RGS7BP: variants seen among roughly 807,000 people sequenced by gnomAD.
RGS7BP encodes the protein regulator of G protein signaling 7 binding protein.
Under a neutral mutation model 31.3 loss-of-function variants are expected in RGS7BP, and 9 were observed. The ratio of observed to expected loss-of-function variants is 0.29; its 90% CI spans 0.17 to 0.50. The LOEUF (loss-of-function observed/expected upper bound fraction) is 0.50. Among genes scored for constraint, RGS7BP ranks in the 20% least tolerant of loss-of-function variants. The probability of loss-of-function intolerance (pLI) is 0.98; values close to 1 mark genes in which losing one functional copy is unlikely to be tolerated. For missense variants in RGS7BP, 274 were observed against 322.0 expected, an observed-to-expected ratio of 0.85 and a Z score of 1.14; for synonymous variants, 115 against 120.1, an observed-to-expected ratio of 0.96 and a Z score of 0.28.
chr5:64,606,874 T>C (rs1361996393), intron 5 of RGS7BP, among the ~76,000 whole-genome samples: 2 of 152,108 alleles, frequency 1.3e-5, no homozygotes, highest in Non-Finnish European at 2.9e-5. Context: ...ATCCAGATTA[T>C]AGTAAATTAT....
intron 3 of RGS7BP, among the ~76,000 whole-genome samples, chr5:64,592,170 C>A (rs1433572751): frequency 6.6e-6 from 1 of 152,034 alleles, no homozygotes; most frequent in African/African-American, 2.4e-5. Context: ...AATTGAAAAC[C>A]CCTTAAATTC....
chr5:64,524,082 T>A (rs556079489), intron 2 of RGS7BP, among the ~76,000 whole-genome samples: 54 of 152,320 alleles, frequency 3.5e-4, no homozygotes, highest in African/African-American at 8.7e-4. Context: ...ATTTATATGA[T>A]TTAGTAGCTG....
rs114086630 is a variant in RGS7BP, at chr5:64,589,153, G to A, written c.464-5557G>A. On this transcript the variant is annotated intron_variant, in intron 3 of 5. Coordinates refer to ENST00000334025, the MANE Select transcript of RGS7BP (RefSeq NM_001029875.3). ...CTACTAAAAATACAAAAAAAATTCCGGGCATGGTGGTACACACCTGTAATC... is the reference window on the plus strand; with the variant it reads ...CTACTAAAAATACAAAAAAAATTCCAGGCATGGTGGTACACACCTGTAATC... Among the ~76,000 whole-genome samples the A allele has an allele frequency of 9.1e-3, 1,387 of 151,940 alleles. 19 individuals are homozygous for A. The highest frequency in any genetic ancestry group is 0.032 in the African/African-American group (1,317 of 41,464).
intron 2 of RGS7BP, among the ~76,000 whole-genome samples, chr5:64,511,891 T>C (rs1748848393): frequency 6.6e-6 from 1 of 152,158 alleles, no homozygotes; most frequent in Non-Finnish European, 1.5e-5. Flanking sequence ...TTAACTGAGC[T>C]AGGTATGTGA....
At chr5:64,580,099 G>T (rs1384359647) in intron 3 of RGS7BP, among the ~76,000 whole-genome samples, 1 of 152,222 alleles carries the variant, frequency 6.6e-6, no homozygotes, top group Non-Finnish European at 1.5e-5. Context: ...CAGTGACCAT[G>T]AATAGCCAGA....
chr5:64,588,341 C>T (rs548890293), intron 3 of RGS7BP, among the ~76,000 whole-genome samples: 1 of 152,300 alleles, frequency 6.6e-6, no homozygotes, highest in Non-Finnish European at 1.5e-5. Context: ...CCTTGGAAAA[C>T]AGAGACAGTG....
At position 64,609,477 on chromosome 5, in the gene RGS7BP, G is replaced by A; in HGVS notation, c.*225G>A. On this transcript the variant is annotated 3_prime_UTR_variant, in exon 6 of 6. Coordinates refer to ENST00000334025, the MANE Select transcript of RGS7BP (RefSeq NM_001029875.3). ...TCAAAAACCAGGCTGTTTTTAAAAG[G>A]GAATTTTAAAGCTGACATTGTGCAT... 1.9e-6 allele frequency: 1 copy of A among 520,854 alleles called. No individual in the cohort carries two copies. The highest frequency in any genetic ancestry group is 3.5e-6 in the Non-Finnish European group (1 of 287,986). The allele number at this position is 520,854 out of a possible 1,614,324, so 32.3% of individuals were successfully genotyped here.
At chr5:64,557,384 T>C (rs1191995683) in intron 2 of RGS7BP, among the ~76,000 whole-genome samples, 2 of 152,094 alleles carry the variant, frequency 1.3e-5, no homozygotes, top group African/African-American at 4.8e-5. Context: ...TTTCCTAATA[T>C]CCCTCCCACT....
At chr5:64,546,354 G>A (rs1741658914) in intron 2 of RGS7BP, among the ~76,000 whole-genome samples, 1 of 151,922 alleles carries the variant, frequency 6.6e-6, no homozygotes, top group Non-Finnish European at 1.5e-5. Flanking sequence ...AGACCAAGAA[G>A]CAGCACCCTG....
At chr5:64,563,640 C>A (rs565535824) in intron 2 of RGS7BP, among the ~76,000 whole-genome samples, 11 of 152,204 alleles carry the variant, frequency 7.2e-5, no homozygotes, top group African/African-American at 2.4e-4. Flanking sequence ...AGGAGCCAAC[C>A]CTGCTGACAC....
At chr5:64,547,572 A>G (rs1315955305) in intron 2 of RGS7BP, among the ~76,000 whole-genome samples, 1 of 152,230 alleles carries the variant, frequency 6.6e-6, no homozygotes, top group East Asian at 1.9e-4. Flanking sequence ...ACATGCAAAC[A>G]TAATTCAGGA....
At chr5:64,559,703 G>T (rs576383304) in intron 2 of RGS7BP, among the ~76,000 whole-genome samples, 5 of 151,982 alleles carry the variant, frequency 3.3e-5, no homozygotes, top group Non-Finnish European at 5.9e-5. Flanking sequence ...TCTAGTGGAA[G>T]AAATGAAAAA....
chr5:64,607,673 C>T (rs1008350695), intron 5 of RGS7BP, among the ~76,000 whole-genome samples: 32 of 151,934 alleles, frequency 2.1e-4, no homozygotes, highest in Admixed American at 1.8e-3. Flanking sequence ...TGCTTCTTAT[C>T]GGACGGAAGG....
chr5:64,589,454 G>A (rs1180305378), intron 3 of RGS7BP, among the ~76,000 whole-genome samples: 1 of 152,106 alleles, frequency 6.6e-6, no homozygotes, highest in Non-Finnish European at 1.5e-5. Flanking sequence ...TAAGGACACA[G>A]TATCACCCCT....
At chr5:64,528,819 A>C (rs973685344) in intron 2 of RGS7BP, among the ~76,000 whole-genome samples, 175 of 150,654 alleles carry the variant, frequency 1.2e-3, no homozygotes, top group African/African-American at 4.0e-3. Context: ...TCAAAAAAAA[A>C]AAAAAAAAAA....
chr5:64,512,208 A>G (rs1748855940), intron 2 of RGS7BP, among the ~76,000 whole-genome samples: 1 of 152,198 alleles, frequency 6.6e-6, no homozygotes, highest in Non-Finnish European at 1.5e-5. Context: ...AATGGCTCTC[A>G]AGAGAATCTA....
chr5:64,571,547 G>C (rs1454614947), intron 2 of RGS7BP, among the ~76,000 whole-genome samples: 1 of 152,120 alleles, frequency 6.6e-6, no homozygotes, highest in African/African-American at 2.4e-5. Context: ...CAATGTATGA[G>C]CATTTCTGTT....
At chr5:64,600,581 A>G (rs1743192224) in intron 5 of RGS7BP, among the ~76,000 whole-genome samples, 1 of 152,326 alleles carries the variant, frequency 6.6e-6, no homozygotes, top group South Asian at 2.1e-4. Context: ...TCATCAAAAT[A>G]AATTATACTC....
chr5:64,562,474 T>G (rs1742077383), intron 2 of RGS7BP, among the ~76,000 whole-genome samples: 2 of 152,118 alleles, frequency 1.3e-5, no homozygotes, highest in Admixed American at 6.6e-5. Flanking sequence ...AATCACACAC[T>G]TGTAAGTAAT....
Sources: gnomAD v4.1 joint callset for allele counts (sites outside exome capture counted in the v4.1 genomes callset) on GRCh38, gnomAD v4.1.1 for gene constraint, MANE v1.5 for transcripts, NCBI Gene and HGNC (gene_info 2026-07-23, HGNC 2026-07-21) for gene names.